ADAMTSL1: variants seen among roughly 807,000 people sequenced by gnomAD.
The protein encoded by ADAMTSL1 is ADAMTS like 1.
A neutral mutation model predicts 201.8 loss-of-function variants in ADAMTSL1; 126 were observed. The ratio of observed to expected loss-of-function variants is 0.62; its 90% confidence interval spans 0.54 to 0.72. The LOEUF (loss-of-function observed/expected upper bound fraction) is 0.72, where lower values mean the gene tolerates loss of function less well. Ranked by LOEUF, ADAMTSL1 falls within the 30% of genes least tolerant of loss-of-function variation. The pLI is 0.00. For synonymous variants in ADAMTSL1, 1,121 were observed against 903.4 expected (o/e 1.24, Z -4.32); for missense variants, 2,679 against 2,277.8 (o/e 1.18, Z -3.59).
chr9:17,914,608 G>C (rs1462915281), intron 1 of ADAMTSL1, among the ~76,000 whole-genome samples: 1 of 151,212 alleles, frequency 6.6e-6, no homozygotes, highest in Non-Finnish European at 1.5e-5. Context: ...TTGAAAACTG[G>C]CACAAGACAG....
At chr9:18,212,254 C>T (rs558976133) in intron 2 of ADAMTSL1, among the ~76,000 whole-genome samples, 5 of 152,120 alleles carry the variant, frequency 3.3e-5, no homozygotes, top group Non-Finnish European at 5.9e-5. Context: ...ACAGCAAACT[C>T]AAAGTCTCTG....
Position 18,661,972 on chromosome 9 carries a change from G to A in ADAMTSL1, c.984G>A (p.Arg328=), listed in dbSNP as rs1256403644. 6.2e-7 allele frequency: 1 copy of A among 1,613,892 alleles called. No homozygotes were observed. Among genetic ancestry groups the A allele is most frequent in the Non-Finnish European group, 8.5e-7 (1 of 1,179,838 alleles). The change falls in exon 9 of 29, where the codon AGG becomes AGA. Residue 328 remains arginine (R), a synonymous_variant. Transcript: ENST00000380548. The stretch of plus-strand genomic sequence containing the variant: ...CATCGGCTGAGTGCTACGATCTGAG[G>A]AGCAACCGTGTGGTTGCTGACCAAT... ...QLTSAECYDL[R]SNRVVADQYC...
intron 2 of ADAMTSL1, among the ~76,000 whole-genome samples, chr9:18,310,801 C>T (rs186322143): frequency 0.041 from 6,309 of 152,144 alleles, 445 homozygotes; most frequent in African/African-American, 0.14. Context: ...TGTGGCAATT[C>T]CTCAAGGATC....
chr9:17,931,963 C>T (rs1361075669), intron 1 of ADAMTSL1, among the ~76,000 whole-genome samples: 2 of 152,168 alleles, frequency 1.3e-5, no homozygotes, highest in African/African-American at 2.4e-5. Flanking sequence ...TAGAGCAAGA[C>T]CGCAATGTAG....
chr9:17,962,407 T>A (rs1435814313), intron 1 of ADAMTSL1, among the ~76,000 whole-genome samples: 1 of 152,208 alleles, frequency 6.6e-6, no homozygotes, highest in African/African-American at 2.4e-5. Context: ...TTATTATGTG[T>A]CTATGAAAAT....
intron 2 of ADAMTSL1, among the ~76,000 whole-genome samples, chr9:18,254,585 G>C (rs370098854): frequency 3.3e-5 from 5 of 151,396 alleles, no homozygotes; most frequent in African/African-American, 7.3e-5. Flanking sequence ...GGATGGTCTC[G>C]ATCTCCTGAC....
chr9:18,888,402 CT>C (rs768423745), intron 24 of ADAMTSL1, among the ~76,000 whole-genome samples: 21 of 152,200 alleles, frequency 1.4e-4, no homozygotes, highest in Middle Eastern at 3.2e-3. Flanking sequence ...ACAGAGTAGC[CT>C]GTTTGGTTAC....
At chr9:18,674,785 C>T (rs539961608) in intron 9 of ADAMTSL1, among the ~76,000 whole-genome samples, 8 of 152,252 alleles carry the variant, frequency 5.3e-5, no homozygotes, top group South Asian at 2.1e-4. Context: ...TATCATTTAT[C>T]AGTTGCAAAA....
intron 4 of ADAMTSL1, among the ~76,000 whole-genome samples, chr9:18,617,734 C>G (rs550377567): frequency 1.3e-5 from 2 of 152,222 alleles, no homozygotes; most frequent in East Asian, 3.9e-4. Context: ...AATGAAAACA[C>G]TATTAATTTG....
At chr9:18,504,061 G>A (rs1007370653) in intron 1 of ADAMTSL1, among the ~76,000 whole-genome samples, 2 of 151,826 alleles carry the variant, frequency 1.3e-5, no homozygotes, top group Admixed American at 6.6e-5. Context: ...TTGGGGCATA[G>A]GAAGGTGGTA....
chr9:18,313,563 A>T (rs1397876375), intron 2 of ADAMTSL1, among the ~76,000 whole-genome samples: 1 of 152,222 alleles, frequency 6.6e-6, no homozygotes, highest in African/African-American at 2.4e-5. Flanking sequence ...GCTCTCCAAG[A>T]AAAGGATAGT....
At chr9:18,888,342 G>C (rs1829032402) in intron 24 of ADAMTSL1, among the ~76,000 whole-genome samples, 1 of 152,210 alleles carries the variant, frequency 6.6e-6, no homozygotes, top group African/African-American at 2.4e-5. Flanking sequence ...ATATATCAAA[G>C]TCAGATGTGA....
intron 1 of ADAMTSL1, among the ~76,000 whole-genome samples, chr9:18,141,363 A>G (rs1255623091): frequency 6.6e-6 from 1 of 152,136 alleles, no homozygotes; most frequent in Non-Finnish European, 1.5e-5. Context: ...GCTCTAAGAA[A>G]ACAGCTCTGG....
chr9:18,806,031 C>T (rs1163333716), intron 20 of ADAMTSL1, among the ~76,000 whole-genome samples: 1 of 152,188 alleles, frequency 6.6e-6, no homozygotes, highest in Non-Finnish European at 1.5e-5. Flanking sequence ...TGAAGTACAA[C>T]TCATTTTTGA....
At chr9:18,070,972 G>A (rs546197396) in intron 1 of ADAMTSL1, among the ~76,000 whole-genome samples, 2 of 152,334 alleles carry the variant, frequency 1.3e-5, no homozygotes, top group South Asian at 4.1e-4. Context: ...TCAGGTTCAT[G>A]CTTGAACTGT....
At position 18,547,300 on chromosome 9, in the gene ADAMTSL1, T is replaced by TTAA. The variant is rs3085452; in HGVS notation, c.237+14011_237+14013dup. On this transcript the variant is annotated intron_variant, in intron 3 of 28. Transcript: ENST00000380548. ...GACATCTATGCAATCTATTAATATC[T>TTAA]TAATATCTATTCATCCTCTCCTTTC... is the stretch of plus-strand genomic sequence containing the variant. Among the ~76,000 whole-genome samples, 1,157 of 152,180 alleles carry TTAA rather than the reference T, an allele frequency of 7.6e-3. 10 individuals are homozygous for TTAA. Among genetic ancestry groups the TTAA allele is most frequent in the East Asian group, 0.045 (234 of 5,182 alleles).
intron 1 of ADAMTSL1, among the ~76,000 whole-genome samples, chr9:17,987,781 G>T (rs184654321): frequency 9.2e-4 from 140 of 152,116 alleles, no homozygotes; most frequent in Admixed American, 8.0e-3. Context: ...GAAGACTCAA[G>T]TTCCCTAAAT....
intron 1 of ADAMTSL1, among the ~76,000 whole-genome samples, chr9:18,118,991 G>A (rs976762991): frequency 6.6e-6 from 1 of 152,160 alleles, no homozygotes; most frequent in Admixed American, 6.5e-5. Flanking sequence ...GAGGTTGAGA[G>A]CATGGACTCC....
chr9:18,196,942 C>G (rs988079684), intron 2 of ADAMTSL1, among the ~76,000 whole-genome samples: 1 of 152,078 alleles, frequency 6.6e-6, no homozygotes, highest in Non-Finnish European at 1.5e-5. Context: ...CTAGAGTAGG[C>G]CCCTATAGCT....
Sources: gnomAD v4.1 joint callset for allele counts (sites outside exome capture counted in the v4.1 genomes callset) on GRCh38, gnomAD v4.1.1 for gene constraint, MANE v1.5 for transcripts, NCBI Gene and HGNC (gene_info 2026-07-23, HGNC 2026-07-21) for gene names.